The following MEI4 variants were observed in gnomAD, a reference collection of about 807,000 sequenced individuals.
MEI4 encodes meiotic double-stranded break formation protein 4.
MEI4 carries 27 observed loss-of-function variants against 31.4 expected under a neutral mutation model. The observed-to-expected ratio is 0.86, with a 90% confidence interval of 0.63 to 1.19. MEI4 has a LOEUF of 1.19. Ranked by LOEUF, MEI4 falls within the 50% of genes most tolerant of loss-of-function variation. The pLI is 0.00. For missense variants in MEI4, 329 were observed against 398.9 expected (o/e 0.82, Z 1.49); for synonymous variants, 122 against 145.4 (o/e 0.84, Z 1.16).
chr6:77,786,932 A>G (rs1768751647), intron 3 of MEI4, among the ~76,000 whole-genome samples: 1 of 152,246 alleles, frequency 6.6e-6, no homozygotes, highest in South Asian at 2.1e-4. Context: ...ATTAAAAAAC[A>G]ATATGAAAGC....
At chr6:77,659,048 G>A (rs937860175) in intron 1 of MEI4, among the ~76,000 whole-genome samples, 30 of 152,262 alleles carry the variant, frequency 2.0e-4, no homozygotes, top group Non-Finnish European at 3.4e-4. Context: ...ACTTGGGCCT[G>A]GAGGACTGAT....
At chr6:77,786,594 A>G (rs1363716502) in intron 3 of MEI4, among the ~76,000 whole-genome samples, 1 of 152,112 alleles carries the variant, frequency 6.6e-6, no homozygotes, top group East Asian at 1.9e-4. Context: ...ATAAGTAATA[A>G]GGCTTAGAAG....
intron 2 of MEI4, among the ~76,000 whole-genome samples, chr6:77,754,075 G>A (rs1426717617): frequency 1.3e-5 from 2 of 151,930 alleles, no homozygotes; most frequent in Non-Finnish European, 2.9e-5. Context: ...ACAGGGAGGG[G>A]AACATCACAC....
intron 4 of MEI4, among the ~76,000 whole-genome samples, chr6:77,855,107 C>T (rs1770715174): frequency 6.6e-6 from 1 of 152,060 alleles, no homozygotes; most frequent in Non-Finnish European, 1.5e-5. Flanking sequence ...CGTTGGGAGG[C>T]CAAGGCGGGC....
intron 3 of MEI4, among the ~76,000 whole-genome samples, chr6:77,786,812 G>A (rs1383639461): frequency 1.3e-5 from 2 of 151,996 alleles, no homozygotes; most frequent in African/African-American, 2.4e-5. Context: ...AACAAAAAAT[G>A]TATAAGAATA....
chr6:77,913,704 G>C (rs1214290988), intron 4 of MEI4, among the ~76,000 whole-genome samples: 1 of 150,988 alleles, frequency 6.6e-6, no homozygotes, highest in Non-Finnish European at 1.5e-5. Flanking sequence ...CTAGATAACA[G>C]ATTATCGATT....
chr6:77,747,082 C>T (rs12202267), intron 2 of MEI4, among the ~76,000 whole-genome samples: 27,277 of 151,902 alleles, frequency 0.18, 2,897 homozygotes, highest in Non-Finnish European at 0.23. Context: ...GAGGCTGAGG[C>T]GGGCAGATCA....
At chr6:77,898,741 T>C (rs4235806) in intron 4 of MEI4, among the ~76,000 whole-genome samples, 125,501 of 151,960 alleles carry the variant, frequency 0.83, 52,340 homozygotes, top group East Asian at 0.95. Flanking sequence ...AACTACAAGT[T>C]GAACCTCAAA....
At chr6:77,797,488 G>A (rs1346523281) in intron 3 of MEI4, among the ~76,000 whole-genome samples, 1 of 152,140 alleles carries the variant, frequency 6.6e-6, no homozygotes, top group African/African-American at 2.4e-5. Flanking sequence ...CCATCTGCAA[G>A]CTGAGGAAGA....
chr6:77,862,981 C>G (rs150660155), intron 4 of MEI4, among the ~76,000 whole-genome samples: 1,891 of 152,232 alleles, frequency 0.012, 45 homozygotes, highest in African/African-American at 0.043. Flanking sequence ...GAGTGGACCT[C>G]CAGCAAACTC....
At chr6:77,715,430 G>A (rs376308795) in intron 2 of MEI4, among the ~76,000 whole-genome samples, 4 of 152,252 alleles carry the variant, frequency 2.6e-5, no homozygotes, top group African/African-American at 9.6e-5. Context: ...TTGACTTTGA[G>A]CTCTCCTTTT....
At position 77,923,413 on chromosome 6, in the gene MEI4, G is replaced by GAAAAGATTTTCAATAGTATTTTA; in HGVS notation, c.*69_*91dup. ...GTAGAATATATGAAAATCTCATACT[G>GAAAAGATTTTCAATAGTATTTTA]AAAAGATTTTCAATAGTATTTTAAT... On this transcript the variant is annotated 3_prime_UTR_variant, in exon 5 of 5. Coordinates refer to ENST00000684080, the MANE Select transcript of MEI4 (RefSeq NM_001322247.2). The GAAAAGATTTTCAATAGTATTTTA allele has an allele frequency of 8.7e-7, 1 of 1,145,778 alleles. No homozygotes were observed. The highest frequency in any genetic ancestry group is 3.3e-4 in the Middle Eastern group (1 of 3,012). 71.0% of individuals were successfully genotyped at this position (1,145,778 alleles called of 1,614,324 possible). A position where few individuals can be genotyped will look rare whatever the true frequency, so the allele number is the denominator to read the frequency against.
At chr6:77,894,302 C>T (rs1051255440) in intron 4 of MEI4, among the ~76,000 whole-genome samples, 1 of 151,944 alleles carries the variant, frequency 6.6e-6, no homozygotes, top group Non-Finnish European at 1.5e-5. Flanking sequence ...AAAGACCTGA[C>T]AAGGGTGACT....
intron 4 of MEI4, among the ~76,000 whole-genome samples, chr6:77,889,886 G>A (rs1771717481): frequency 6.6e-6 from 1 of 152,250 alleles, no homozygotes; most frequent in Non-Finnish European, 1.5e-5. Context: ...GAGGGTGTAA[G>A]CCCCAAGACT....
intron 3 of MEI4, among the ~76,000 whole-genome samples, chr6:77,808,305 G>C (rs1404331999): frequency 1.3e-5 from 2 of 152,198 alleles, no homozygotes; most frequent in Non-Finnish European, 2.9e-5. Context: ...GTTTTGAAAA[G>C]ATCAGTGGTC....
intron 2 of MEI4, among the ~76,000 whole-genome samples, chr6:77,706,352 A>G (rs1385479196): frequency 6.6e-6 from 1 of 152,086 alleles, no homozygotes; most frequent in Non-Finnish European, 1.5e-5. Flanking sequence ...ATCCAAACAG[A>G]CAGGCCTTGC....
intron 3 of MEI4, among the ~76,000 whole-genome samples, chr6:77,771,004 C>G (rs6916045): frequency 6.6e-6 from 1 of 152,052 alleles, no homozygotes; most frequent in South Asian, 2.1e-4. Context: ...AATAGGCACC[C>G]TACAGGAAGG....
chr6:77,728,794 T>C (rs939049613), intron 2 of MEI4, among the ~76,000 whole-genome samples: 1 of 151,832 alleles, frequency 6.6e-6, no homozygotes, highest in African/African-American at 2.4e-5. Flanking sequence ...AGAGGGTGAG[T>C]GATGAGGCCA....
Position 77,924,021 on chromosome 6 carries a change from AT to A in MEI4, c.*676del, listed in dbSNP as rs1346071573. 3 of 151,772 alleles carry A rather than the reference AT, an allele frequency of 2.0e-5. No homozygotes were observed. The highest frequency in any genetic ancestry group is 4.4e-5 in the Non-Finnish European group (3 of 67,822). 9.4% of individuals were successfully genotyped at this position (151,772 alleles called of 1,614,324 possible). On this transcript the variant is annotated 3_prime_UTR_variant, in exon 5 of 5. Transcript: ENST00000684080. The stretch of plus-strand genomic sequence containing the variant: ...TTCAATTCTGTTAATTAAATATGTT[AT>A]AATAGTCTTGTAATTGTTAAATAGT...
Sources: allele counts gnomAD v4.1 joint callset (sites outside exome capture counted in the v4.1 genomes callset), GRCh38; gene constraint gnomAD v4.1.1; transcripts MANE v1.5; gene names NCBI Gene and HGNC (gene_info 2026-07-23, HGNC 2026-07-21).